RGPD2: variants seen among roughly 807,000 people sequenced by gnomAD.
RGPD2 encodes RANBP2 like and GRIP domain containing 2.
RGPD2 carries 2 observed loss-of-function variants against 36.0 expected under a neutral mutation model. The observed-to-expected ratio is 0.06, with a 90% CI of 0.02 to 0.17. The LOEUF (loss-of-function observed/expected upper bound fraction) is 0.17. RGPD2 is among the 10% of genes least tolerant of loss of function. The probability of loss-of-function intolerance (pLI) is 1.00; values close to 1 mark genes in which losing one functional copy is unlikely to be tolerated. For synonymous variants in RGPD2, 19 were observed against 163.8 expected (o/e 0.12, Z 6.75); for missense variants, 40 against 464.3 (o/e 0.09, Z 8.40).
chr2:87,915,352 A>ATATATTATATATATATG, the RGPD2 span, among the ~76,000 whole-genome samples: 2 of 134,986 alleles, frequency 1.5e-5, no homozygotes, highest in Non-Finnish European at 3.1e-5. Context: ...TGTATATTAT[A>ATATATTATATATATATG]TATATTATAT....
the RGPD2 span, among the ~76,000 whole-genome samples, chr2:87,973,435 G>A: frequency 7.4e-6 from 1 of 134,420 alleles, no homozygotes; most frequent in Non-Finnish European, 1.7e-5. Context: ...TGTACCGCAG[G>A]TCTTTCCCAT....
the RGPD2 span, among the ~76,000 whole-genome samples, chr2:87,875,466 T>G: frequency 6.6e-6 from 1 of 152,284 alleles, no homozygotes; most frequent in African/African-American, 2.4e-5. Flanking sequence ...AATAATCATG[T>G]GTTTTTTGTC....
chr2:87,961,153 C>A, the RGPD2 span, among the ~76,000 whole-genome samples: 14 of 152,306 alleles, frequency 9.2e-5, no homozygotes, highest in South Asian at 2.7e-3. Context: ...TGAAAATGTT[C>A]TAGAGAAAAC....
At chr2:87,977,927 C>T in the RGPD2 span, among the ~76,000 whole-genome samples, 1 of 151,400 alleles carries the variant, frequency 6.6e-6, no homozygotes, top group East Asian at 2.0e-4. Context: ...ACCAGCCTGT[C>T]CAACATGGTG....
At chr2:87,845,749 G>T in the RGPD2 span, among the ~76,000 whole-genome samples, 9 of 151,958 alleles carry the variant, frequency 5.9e-5, no homozygotes. Flanking sequence ...AAAACCAAAT[G>T]AAACTAGTGC....
chr2:87,896,648 G>A, the RGPD2 span, among the ~76,000 whole-genome samples: 1 of 21,682 alleles, frequency 4.6e-5, no homozygotes, highest in African/African-American at 2.0e-4. Flanking sequence ...CCCCTCACAG[G>A]AAAGACCCTG....
the RGPD2 span, among the ~76,000 whole-genome samples, chr2:87,957,272 G>GAC: frequency 6.9e-6 from 1 of 145,064 alleles, no homozygotes; most frequent in Non-Finnish European, 1.5e-5. Context: ...TATAAGAAGA[G>GAC]ACACAGGAGC....
the RGPD2 span, among the ~76,000 whole-genome samples, chr2:87,872,337 G>GA: frequency 7.9e-5 from 12 of 151,884 alleles, no homozygotes; most frequent in African/African-American, 2.9e-4. Flanking sequence ...TAACCAAGGG[G>GA]AAAATCACAC....
intron 20 of RGPD2, among the ~76,000 whole-genome samples, chr2:87,781,879 C>T: frequency 8.3e-6 from 1 of 121,074 alleles, no homozygotes; most frequent in Non-Finnish European, 1.7e-5. Flanking sequence ...GTACCAAGTT[C>T]TTTTGCTCTG....
At chr2:87,940,662 AAGAG>A in the RGPD2 span, among the ~76,000 whole-genome samples, 1 of 144,504 alleles carries the variant, frequency 6.9e-6, no homozygotes, top group Non-Finnish European at 1.5e-5. Flanking sequence ...GTGTGACAGA[AAGAG>A]AGAGAGGAAG....
At chr2:87,940,977 A>G in the RGPD2 span, among the ~76,000 whole-genome samples, 1 of 151,982 alleles carries the variant, frequency 6.6e-6, no homozygotes, top group Admixed American at 6.6e-5. Flanking sequence ...TTATATATCA[A>G]CATTTATCCA....
the RGPD2 span, among the ~76,000 whole-genome samples, chr2:87,870,052 G>T: frequency 4.5e-4 from 68 of 152,134 alleles, no homozygotes; most frequent in Non-Finnish European, 7.8e-4. Flanking sequence ...ACACTTCCTG[G>T]CTCCAATTGT....
the RGPD2 span, among the ~76,000 whole-genome samples, chr2:87,870,663 TC>T: frequency 6.6e-6 from 1 of 152,204 alleles, no homozygotes; most frequent in African/African-American, 2.4e-5. Context: ...GTTCTTGTTT[TC>T]CTTTGCAGCT....
chr2:87,769,546 G>T (rs1190005172), intron 22 of RGPD2, among the ~76,000 whole-genome samples: 6 of 150,166 alleles, frequency 4.0e-5, no homozygotes, highest in African/African-American at 1.5e-4. Context: ...GTCTCTTTTA[G>T]AACTTCTAAA....
chr2:87,845,775 G>C, the RGPD2 span, among the ~76,000 whole-genome samples: 1 of 152,010 alleles, frequency 6.6e-6, no homozygotes, highest in Admixed American at 6.6e-5. Context: ...TTTTAGTAAT[G>C]CTTTATTACC....
upstream of RGPD2, among the ~76,000 whole-genome samples, chr2:87,829,773 T>C (rs1686927508): frequency 6.7e-6 from 1 of 148,974 alleles, no homozygotes; most frequent in African/African-American, 2.5e-5. Flanking sequence ...GGAACTAAAA[T>C]TCAAGATGAT....
chr2:87,954,306 AAAAAG>A, the RGPD2 span, among the ~76,000 whole-genome samples: 1 of 7,406 alleles, frequency 1.4e-4, no homozygotes, highest in African/African-American at 2.8e-4. Context: ...AATAAAAATA[AAAAAG>A]AAGAGAAAAA....
chr2:87,844,271 A>G, the RGPD2 span, among the ~76,000 whole-genome samples: 2 of 144,652 alleles, frequency 1.4e-5, no homozygotes, highest in African/African-American at 2.5e-5. Context: ...TTTGCTTTAA[A>G]TTATTCAATT....
At chr2:87,877,340 ATGGTTTC>A in the RGPD2 span, among the ~76,000 whole-genome samples, 630 of 152,112 alleles carry the variant, frequency 4.1e-3, no homozygotes, top group African/African-American at 0.014. Flanking sequence ...GTGTTTGGTA[ATGGTTTC>A]CTTTTTCATA....
Sources: gnomAD v4.1 joint callset for allele counts (sites outside exome capture counted in the v4.1 genomes callset) on GRCh38, gnomAD v4.1.1 for gene constraint, MANE v1.5 for transcripts, NCBI Gene and HGNC (gene_info 2026-07-23, HGNC 2026-07-21) for gene names.